The following DAPK2 variants were observed in gnomAD, a reference collection of about 807,000 sequenced individuals.
DAPK2 encodes death associated protein kinase 2.
DAPK2 carries 35 observed loss-of-function variants against 44.1 expected under a neutral mutation model. The ratio of observed to expected loss-of-function variants is 0.79; its 90% CI spans 0.61 to 1.05. The LOEUF is 1.05. Among genes scored for constraint, DAPK2 ranks in the 50% least tolerant of loss-of-function variants. The pLI is 0.00. For missense variants in DAPK2, 453 were observed against 483.2 expected, an observed-to-expected ratio of 0.94 and a Z score of 0.59; for synonymous variants, 174 against 182.6, an observed-to-expected ratio of 0.95 and a Z score of 0.38.
At chr15:63,924,688 A>T (rs2079186973) in intron 8 of DAPK2, 128 bp downstream of exon 9, 3 of 1,017,578 alleles carry the variant, frequency 2.9e-6, no homozygotes, top group African/African-American at 1.6e-5. Flanking sequence ...GCTAGCTTTC[A>T]TCTGTGCCCA....
chr15:63,971,362 C>A (rs1004069607), intron 3 of DAPK2, 61 bp downstream of exon 4: 3 of 1,593,092 alleles, frequency 1.9e-6, no homozygotes, highest in African/African-American at 1.3e-5. Flanking sequence ...GGAAAGACAC[C>A]AGGAGGGACT....
intron 1 of DAPK2, among the ~76,000 whole-genome samples, chr15:64,039,422 C>T (rs1490130658): frequency 1.3e-5 from 2 of 152,206 alleles, no homozygotes; most frequent in East Asian, 1.9e-4. Context: ...CTTGCCCAAA[C>T]GCTGGACCAC....
At chr15:63,925,827 CACA>C in intron 7 of DAPK2, 111 bp downstream of exon 8, 1 of 1,375,160 alleles carries the variant, frequency 7.3e-7, no homozygotes, top group South Asian at 1.3e-5. Flanking sequence ...CGGATTAGAC[CACA>C]ACAGTGCAGA....
chr15:64,041,918 T>G (rs2080362654), upstream of DAPK2, among the ~76,000 whole-genome samples: 1 of 152,174 alleles, frequency 6.6e-6, no homozygotes, highest in African/African-American at 2.4e-5. Context: ...CAGGGCTTAC[T>G]CTCGTGGTCA....
At chr15:63,950,581 AT>A (rs1181971852) in intron 3 of DAPK2, among the ~76,000 whole-genome samples, 5 of 152,134 alleles carry the variant, frequency 3.3e-5, no homozygotes, top group African/African-American at 9.6e-5. Context: ...ACACTGTTTT[AT>A]TTTTTTTATT....
chr15:64,031,015 C>T (rs1212476336), intron 1 of DAPK2, among the ~76,000 whole-genome samples: 1 of 151,052 alleles, frequency 6.6e-6, no homozygotes, highest in South Asian at 2.1e-4. Flanking sequence ...CACACACACA[C>T]GGAATTTGCA....
chr15:64,033,284 A>AC (rs1567287447), intron 1 of DAPK2, among the ~76,000 whole-genome samples: 1 of 35,722 alleles, frequency 2.8e-5, no homozygotes, highest in Non-Finnish European at 5.2e-5. Flanking sequence ...GGAAGGGGGA[A>AC]GGGGGAAGGA....
intron 1 of DAPK2, among the ~76,000 whole-genome samples, chr15:64,002,955 T>TA (rs1567266475): frequency 8.4e-6 from 1 of 118,680 alleles, no homozygotes; most frequent in Non-Finnish European, 1.7e-5. Flanking sequence ...TGTGTGTGTG[T>TA]GTGTGTGTGT....
At chr15:64,036,309 G>GTATATA (rs1175432400) in intron 1 of DAPK2, among the ~76,000 whole-genome samples, 19 of 60,514 alleles carry the variant, frequency 3.1e-4, no homozygotes, top group East Asian at 2.2e-3. Context: ...GTGTGTGTGT[G>GTATATA]TATATATATG....
chr15:63,938,057 A>G (rs980653355), intron 4 of DAPK2, among the ~76,000 whole-genome samples: 2 of 152,228 alleles, frequency 1.3e-5, no homozygotes, highest in Admixed American at 6.5e-5. Context: ...CCAGCCTGCC[A>G]TCTCCACGTG....
At chr15:63,925,678 GCACA>G (rs3222873) in intron 7 of DAPK2, among the ~76,000 whole-genome samples, 14,928 of 138,070 alleles carry the variant, frequency 0.11, 812 homozygotes, top group Middle Eastern at 0.13. Flanking sequence ...GACTTGTAGC[GCACA>G]CACACACACA....
chr15:64,034,751 C>T (rs761343943), intron 1 of DAPK2, among the ~76,000 whole-genome samples: 16 of 152,296 alleles, frequency 1.1e-4, no homozygotes, highest in Non-Finnish European at 2.1e-4. Context: ...TGACCTTAAA[C>T]AAATCACCTC....
At chr15:64,018,024 G>A (rs1339266058) in intron 1 of DAPK2, among the ~76,000 whole-genome samples, 1 of 152,158 alleles carries the variant, frequency 6.6e-6, no homozygotes, top group Non-Finnish European at 1.5e-5. Context: ...GTACTGCTGG[G>A]CTTCAATCAA....
At position 63,957,552 on chromosome 15, in the gene DAPK2, C is replaced by T. The variant is rs559379165; in HGVS notation, c.453+13871G>A. Among the ~76,000 whole-genome samples the T allele has an allele frequency of 2.6e-3, 364 of 137,866 alleles. 2 individuals carry two copies. The highest frequency in any genetic ancestry group is 8.9e-3 in the African/African-American group (331 of 37,342). The allele number at this position is 137,866 out of a possible 152,430, so 90.4% of individuals were successfully genotyped here. A position where few individuals can be genotyped will look rare whatever the true frequency, so the allele number is the denominator to read the frequency against. On this transcript the variant is annotated intron_variant, in intron 3 of 10. Coordinates refer to ENST00000261891, the Ensembl canonical transcript of DAPK2. ...CCCCGGTGTGTGATGTTCCCCACCC[C>T]GTGTCCAAGTGTTCTCATTGTTCAT...
intron 3 of DAPK2, among the ~76,000 whole-genome samples, chr15:63,955,716 C>T (rs1317784984): frequency 6.6e-6 from 1 of 152,002 alleles, no homozygotes; most frequent in Non-Finnish European, 1.5e-5. Context: ...TACAGGCATG[C>T]ACCACCACAC....
chr15:63,922,294 C>T, intron 8 of DAPK2: 2 of 993,526 alleles, frequency 2.0e-6, no homozygotes, highest in Non-Finnish European at 2.4e-6. Flanking sequence ...TAAATCCCTG[C>T]TTCTGTAGCA....
intron 1 of DAPK2, among the ~76,000 whole-genome samples, chr15:64,021,474 C>A (rs950142316): frequency 2.0e-5 from 3 of 152,184 alleles, no homozygotes; most frequent in Non-Finnish European, 4.4e-5. Context: ...AAGCTCAGCG[C>A]CCTTGGGGCC....
upstream of DAPK2, chr15:64,040,390 G>C (rs545723424): frequency 9.9e-4 from 716 of 725,040 alleles, 3 homozygotes; most frequent in African/African-American, 0.011. Context: ...CACAGCCTTG[G>C]TTCTTCAAGA....
At chr15:64,004,435 A>G (rs2079174302) in intron 1 of DAPK2, among the ~76,000 whole-genome samples, 1 of 152,190 alleles carries the variant, frequency 6.6e-6, no homozygotes, top group African/African-American at 2.4e-5. Context: ...TTAATTCAAC[A>G]GGGGGACCCT....
Sources: gnomAD v4.1 joint callset for allele counts (sites outside exome capture counted in the v4.1 genomes callset) on GRCh38, gnomAD v4.1.1 for gene constraint, MANE v1.5 for transcripts, NCBI Gene and HGNC (gene_info 2026-07-23, HGNC 2026-07-21) for gene names.